PTPRG: variants seen among roughly 807,000 people sequenced by gnomAD.
PTPRG encodes the protein protein tyrosine phosphatase receptor type G, also known as receptor-type tyrosine-protein phosphatase gamma.
PTPRG carries 102 observed loss-of-function variants against 165.3 expected under a neutral mutation model. That is an observed-to-expected ratio of 0.62 (90% CI 0.53 to 0.73). The LOEUF is 0.73. Ranked by LOEUF, PTPRG falls within the 30% of genes least tolerant of loss-of-function variation. The probability of loss-of-function intolerance (pLI) is 0.00; values close to 1 mark genes in which losing one functional copy is unlikely to be tolerated. For missense variants in PTPRG, 1,866 were observed against 1,861.4 expected (o/e 1.00, Z -0.05); for synonymous variants, 675 against 669.5 (o/e 1.01, Z -0.13).
intron 2 of PTPRG, among the ~76,000 whole-genome samples, chr3:61,856,120 TTAAGAC>T (rs1308586511): frequency 2.6e-5 from 4 of 152,134 alleles, no homozygotes; most frequent in Non-Finnish European, 5.9e-5. Context: ...ACGTAGAACA[TTAAGAC>T]TAAGGGTCTT....
chr3:61,950,379 G>C (rs546527498), intron 2 of PTPRG, among the ~76,000 whole-genome samples: 2 of 152,178 alleles, frequency 1.3e-5, no homozygotes, highest in Non-Finnish European at 2.9e-5. Context: ...GGGAGTTCCA[G>C]TCTTGTGGAA....
At chr3:61,660,334 C>T (rs1472751170) in intron 1 of PTPRG, among the ~76,000 whole-genome samples, 1 of 152,212 alleles carries the variant, frequency 6.6e-6, no homozygotes, top group Non-Finnish European at 1.5e-5. Flanking sequence ...ATGCAGGTGG[C>T]AGCTTGCTGT....
At chr3:61,624,523 G>A (rs1265239963) in intron 1 of PTPRG, among the ~76,000 whole-genome samples, 1 of 152,172 alleles carries the variant, frequency 6.6e-6, no homozygotes, top group East Asian at 1.9e-4. Context: ...GGACCATGAG[G>A]GAAAGCCCAA....
Position 61,645,638 on chromosome 3 carries a change from G to C in PTPRG, c.85+83266G>C, listed in dbSNP as rs563490105. On this transcript the variant is annotated intron_variant, in intron 1 of 29. Transcript: ENST00000474889. ...GCTCCATTATCTAGCCCACGGGTTGGCAAATTTTTTCTCTAAAGGGCCTGA... is the reference window on the plus strand; with the variant it reads ...GCTCCATTATCTAGCCCACGGGTTGCCAAATTTTTTCTCTAAAGGGCCTGA... Among the ~76,000 whole-genome samples the C allele has an allele frequency of 8.5e-4, 130 of 152,318 alleles. 1 individual carries two copies. Among genetic ancestry groups the C allele is most frequent in the Middle Eastern group, 6.8e-3 (2 of 294 alleles).
At chr3:61,563,343 A>T (rs1699817506) in intron 1 of PTPRG, among the ~76,000 whole-genome samples, 1 of 152,046 alleles carries the variant, frequency 6.6e-6, no homozygotes, top group South Asian at 2.1e-4. Context: ...AAATCACCGC[A>T]CGTAACGGTG....
At chr3:61,792,864 G>A (rs1442438108) in intron 2 of PTPRG, among the ~76,000 whole-genome samples, 1 of 151,930 alleles carries the variant, frequency 6.6e-6, no homozygotes, top group Non-Finnish European at 1.5e-5. Flanking sequence ...AAGTAACTAG[G>A]ACTACAGGCA....
intron 2 of PTPRG, among the ~76,000 whole-genome samples, chr3:61,983,221 G>A (rs762618198): frequency 3.4e-4 from 52 of 152,150 alleles, no homozygotes; most frequent in Middle Eastern, 3.4e-3. Flanking sequence ...TATTAGTACT[G>A]GAGAATGCAA....
intron 1 of PTPRG, among the ~76,000 whole-genome samples, chr3:61,709,401 A>G (rs1378046931): frequency 6.6e-6 from 1 of 151,770 alleles, no homozygotes; most frequent in African/African-American, 2.4e-5. Context: ...TGCAACGTCC[A>G]CCTCCTAGAT....
chr3:61,612,065 C>G (rs1701186129), intron 1 of PTPRG, among the ~76,000 whole-genome samples: 1 of 152,132 alleles, frequency 6.6e-6, no homozygotes, highest in Non-Finnish European at 1.5e-5. Context: ...GTCTCAGCCT[C>G]CCGAGTGGCT....
intron 1 of PTPRG, among the ~76,000 whole-genome samples, chr3:61,738,422 A>G (rs973444063): frequency 6.6e-6 from 1 of 150,836 alleles, no homozygotes; most frequent in Non-Finnish European, 1.5e-5. Context: ...AAAGGCCTAT[A>G]TAAAAGGCCT....
At chr3:62,065,809 C>G (rs349173) in intron 4 of PTPRG, among the ~76,000 whole-genome samples, 61,421 of 151,928 alleles carry the variant, frequency 0.4, 12,622 homozygotes, top group Admixed American at 0.43. Context: ...CAGAAGAGCT[C>G]TTTTAAAGAA....
intron 1 of PTPRG, among the ~76,000 whole-genome samples, chr3:61,639,882 C>A (rs978011589): frequency 1.3e-5 from 2 of 152,064 alleles, no homozygotes; most frequent in African/African-American, 4.8e-5. Flanking sequence ...ATTTGGATGC[C>A]TTTTCTTTCT....
intron 23 of PTPRG, among the ~76,000 whole-genome samples, chr3:62,274,912 T>A (rs1433328661): frequency 6.6e-6 from 1 of 152,180 alleles, no homozygotes; most frequent in Non-Finnish European, 1.5e-5. Flanking sequence ...CTTCAATTTT[T>A]TTTTATACAT....
chr3:62,166,312 G>C (rs13062640), intron 7 of PTPRG, among the ~76,000 whole-genome samples: 2 of 134,132 alleles, frequency 1.5e-5, no homozygotes, highest in Non-Finnish European at 3.1e-5. Flanking sequence ...ATATGTAATA[G>C]AATTACTTTT....
At chr3:61,965,895 A>G (rs2040259568) in intron 2 of PTPRG, among the ~76,000 whole-genome samples, 2 of 152,240 alleles carry the variant, frequency 1.3e-5, no homozygotes, top group South Asian at 4.1e-4. Context: ...GGTCTTTATC[A>G]CTGTGCTATG....
chr3:62,230,154 GA>G (rs1700861499), intron 13 of PTPRG, among the ~76,000 whole-genome samples: 3 of 152,302 alleles, frequency 2.0e-5, no homozygotes, highest in African/African-American at 7.2e-5. Flanking sequence ...TTCCAAGTTT[GA>G]CTTCTCCAAG....
At chr3:62,288,940 A>G (rs1702772581) in intron 28 of PTPRG, among the ~76,000 whole-genome samples, 4 of 152,200 alleles carry the variant, frequency 2.6e-5, no homozygotes, top group Admixed American at 2.6e-4. Context: ...AGCTAAAAAT[A>G]ATACATATTT....
intron 6 of PTPRG, among the ~76,000 whole-genome samples, chr3:62,151,853 A>C (rs1451299629): frequency 1.3e-5 from 2 of 152,092 alleles, no homozygotes; most frequent in African/African-American, 4.8e-5. Flanking sequence ...TACTGTGTCA[A>C]GCGCTCTCCT....
At chr3:61,707,112 A>G (rs1366484599) in intron 1 of PTPRG, among the ~76,000 whole-genome samples, 1 of 152,182 alleles carries the variant, frequency 6.6e-6, no homozygotes, top group Non-Finnish European at 1.5e-5. Context: ...TTTCCATAGT[A>G]TAAATATTTC....
Sources: allele counts gnomAD v4.1 joint callset (sites outside exome capture counted in the v4.1 genomes callset), GRCh38; gene constraint gnomAD v4.1.1; transcripts MANE v1.5; gene names NCBI Gene and HGNC (gene_info 2026-07-23, HGNC 2026-07-21).